The following STAU2 variants were observed in gnomAD, a reference collection of about 807,000 sequenced individuals.
STAU2 encodes double-stranded RNA-binding protein Staufen homolog 2.
In STAU2, 20 loss-of-function variants were observed where a neutral mutation model predicts 65.9. The ratio of observed to expected loss-of-function variants is 0.30; its 90% confidence interval spans 0.21 to 0.44. STAU2 has a LOEUF of 0.44. Ranked by LOEUF, STAU2 falls within the 20% of genes least tolerant of loss-of-function variation. The pLI is 1.00. For synonymous variants in STAU2, 232 were observed against 233.9 expected, an observed-to-expected ratio of 0.99 and a Z score of 0.07; for missense variants, 558 against 683.9, an observed-to-expected ratio of 0.82 and a Z score of 2.05.
intron 13 of STAU2, among the ~76,000 whole-genome samples, chr8:73,446,827 G>A (rs1281983306): frequency 4.6e-5 from 7 of 152,062 alleles, no homozygotes; most frequent in African/African-American, 1.7e-4. Context: ...CTATTTAAAT[G>A]TTAAAGGAAA....
intron 13 of STAU2, among the ~76,000 whole-genome samples, chr8:73,494,542 T>G (rs1821302608): frequency 6.6e-6 from 1 of 151,746 alleles, no homozygotes; most frequent in Non-Finnish European, 1.5e-5. Context: ...GAAGTTTAAC[T>G]TCTCCTAAAA....
At chr8:73,603,601 T>C in intron 10 of STAU2, 125 bp downstream of exon 10, 2 of 1,277,594 alleles carry the variant, frequency 1.6e-6, no homozygotes. Context: ...CTGGACAGAA[T>C]GAATGCTTTA....
chr8:73,521,818 A>C (rs1016489530), intron 13 of STAU2, among the ~76,000 whole-genome samples: 1 of 152,180 alleles, frequency 6.6e-6, no homozygotes, highest in African/African-American at 2.4e-5. Flanking sequence ...TAATATTTTC[A>C]ATTTAGATGG....
In STAU2 at chr8:73,578,814, A is replaced by G. The variant is rs144684873; in HGVS notation, c.1222+3956T>C. On this transcript the variant is annotated intron_variant, in intron 12 of 14. Coordinates refer to ENST00000524300, the MANE Select transcript of STAU2 (RefSeq NM_001164380.2). ...TCACTCAGCTTTATATTTACATCCAATTGGCTCCAACTGTTTTAACTGTCT... is the reference window on the plus strand; with the variant it reads ...TCACTCAGCTTTATATTTACATCCAGTTGGCTCCAACTGTTTTAACTGTCT... Among the ~76,000 whole-genome samples the G allele has an allele frequency of 1.1e-3, 174 of 152,308 alleles. 1 individual carries two copies. Among genetic ancestry groups the G allele is most frequent in the South Asian group, 8.7e-3 (42 of 4,822 alleles).
chr8:73,570,885 C>T (rs182707790), intron 12 of STAU2, among the ~76,000 whole-genome samples: 4 of 152,128 alleles, frequency 2.6e-5, no homozygotes, highest in Admixed American at 2.6e-4. Context: ...AAATCCTTTA[C>T]AGACAAGCAA....
At chr8:73,456,165 G>C (rs2128897154) in intron 13 of STAU2, among the ~76,000 whole-genome samples, 1 of 152,238 alleles carries the variant, frequency 6.6e-6, no homozygotes, top group African/African-American at 2.4e-5. Flanking sequence ...TGTTGTCATG[G>C]AGCATTGTTC....
intron 5 of STAU2, among the ~76,000 whole-genome samples, chr8:73,680,059 C>A (rs1162197731): frequency 8.2e-6 from 1 of 121,826 alleles, no homozygotes; most frequent in African/African-American, 3.2e-5. Flanking sequence ...TAGGGAAGTA[C>A]CACAGTGAGA....
chr8:73,536,214 C>G (rs1806172897), intron 13 of STAU2, among the ~76,000 whole-genome samples: 1 of 152,088 alleles, frequency 6.6e-6, no homozygotes, highest in African/African-American at 2.4e-5. Flanking sequence ...AGGAGGAAGA[C>G]TGACTAGGGT....
chr8:73,444,667 ATCTCAGTATCTTTAACAC>A (rs1818371514), intron 13 of STAU2, among the ~76,000 whole-genome samples: 7 of 152,306 alleles, frequency 4.6e-5, no homozygotes, highest in Admixed American at 4.6e-4. Flanking sequence ...GGTCTTATGT[ATCTCAGTATCTTTAACAC>A]TAACACTGGC....
chr8:73,420,441 G>T lies in STAU2; in HGVS notation c.*931C>A. 3.5e-6 allele frequency: 1 copy of T among 285,900 alleles called. No homozygotes were observed. Among genetic ancestry groups the T allele is most frequent in the Non-Finnish European group, 7.1e-6 (1 of 140,680 alleles). The allele number at this position is 285,900 out of a possible 1,614,324, so 17.7% of individuals were successfully genotyped here. A position where few individuals can be genotyped will look rare whatever the true frequency, so the allele number is the denominator to read the frequency against. On this transcript the variant is annotated 3_prime_UTR_variant, in exon 15 of 15. Transcript: ENST00000524300. ...ATTCCAACATGCTGGCCCGGAGCGTGGCTGGCTGGAAGCAACTCCAACAGG... is the reference window on the plus strand; with the variant it reads ...ATTCCAACATGCTGGCCCGGAGCGTTGCTGGCTGGAAGCAACTCCAACAGG...
intron 13 of STAU2, among the ~76,000 whole-genome samples, chr8:73,454,389 C>G (rs968416369): frequency 6.6e-6 from 1 of 152,196 alleles, no homozygotes; most frequent in African/African-American, 2.4e-5. Context: ...CTAATTTTTA[C>G]AATGTTAAGT....
intron 5 of STAU2, among the ~76,000 whole-genome samples, chr8:73,679,204 G>C (rs1030105491): frequency 3.9e-5 from 6 of 152,076 alleles, no homozygotes; most frequent in Non-Finnish European, 7.4e-5. Context: ...CCAAAATACA[G>C]GTTTGCCTTT....
chr8:73,509,398 A>G (rs187452095), intron 13 of STAU2, among the ~76,000 whole-genome samples: 5 of 152,316 alleles, frequency 3.3e-5, no homozygotes, highest in Admixed American at 2.0e-4. Context: ...CAATTCATTA[A>G]TCAAATATAT....
chr8:73,582,761 A>G lies in STAU2; in HGVS notation c.1222+9T>C. The G allele has an allele frequency of 1.2e-6, 2 of 1,612,924 alleles. No individual in the cohort carries two copies. Among genetic ancestry groups the G allele is most frequent in the Non-Finnish European group, 1.7e-6 (2 of 1,179,146 alleles). On this transcript the variant is annotated intron_variant, in intron 12 of 14. Coordinates refer to ENST00000524300, the MANE Select transcript of STAU2 (RefSeq NM_001164380.2). ...ACCAAGTGCAGACAACATAAAAATG[A>G]GAACTTACTATTATTTGTTGGTTCA...
intron 4 of STAU2, among the ~76,000 whole-genome samples, chr8:73,706,124 AT>A (rs11348407): frequency 0.073 from 10,947 of 150,566 alleles, 435 homozygotes; most frequent in Middle Eastern, 0.14. Flanking sequence ...AAGAAAAAAA[AT>A]TTTTTTTTTG....
chr8:73,504,573 CAGGGTGTGGGA>C (rs915217549), intron 13 of STAU2, among the ~76,000 whole-genome samples: 2 of 151,996 alleles, frequency 1.3e-5, no homozygotes, highest in African/African-American at 2.4e-5. Context: ...AGAGACAACA[CAGGGTGTGGGA>C]GCCTAGCTGT....
At chr8:73,737,160 C>G (rs1036547477) in intron 3 of STAU2, among the ~76,000 whole-genome samples, 1 of 151,722 alleles carries the variant, frequency 6.6e-6, no homozygotes, top group Admixed American at 6.6e-5. Flanking sequence ...AGCGACCACG[C>G]CTGGCCAAGA....
intron 11 of STAU2, among the ~76,000 whole-genome samples, chr8:73,587,482 C>T (rs1190080904): frequency 6.6e-6 from 1 of 152,050 alleles, no homozygotes; most frequent in Admixed American, 6.5e-5. Flanking sequence ...GCATATCGAT[C>T]AATCTGCAAT....
chr8:73,733,602 T>G (rs1806225845), intron 3 of STAU2, among the ~76,000 whole-genome samples: 1 of 152,072 alleles, frequency 6.6e-6, no homozygotes, highest in East Asian at 1.9e-4. Flanking sequence ...AAATACTAAC[T>G]CAGAAAATTA....
Sources: allele counts gnomAD v4.1 joint callset (sites outside exome capture counted in the v4.1 genomes callset), GRCh38; gene constraint gnomAD v4.1.1; transcripts MANE v1.5; gene names NCBI Gene and HGNC (gene_info 2026-07-23, HGNC 2026-07-21).